CNTN5: variants seen among roughly 807,000 people sequenced by gnomAD.
CNTN5 encodes contactin-5.
A neutral mutation model predicts 129.1 loss-of-function variants in CNTN5; 77 were observed. The ratio of observed to expected loss-of-function variants is 0.60; its 90% CI spans 0.50 to 0.72. The LOEUF (loss-of-function observed/expected upper bound fraction) is 0.72, where lower values mean the gene tolerates loss of function less well. Ranked by LOEUF, CNTN5 falls within the 30% of genes least tolerant of loss-of-function variation. The pLI is 0.00. For synonymous variants in CNTN5, 509 were observed against 465.6 expected, an observed-to-expected ratio of 1.09 and a Z score of -1.20; for missense variants, 1,478 against 1,328.8, an observed-to-expected ratio of 1.11 and a Z score of -1.75.
intron 13 of CNTN5, among the ~76,000 whole-genome samples, chr11:100,118,109 A>G (rs750135322): frequency 6.6e-6 from 1 of 151,858 alleles, no homozygotes; most frequent in Admixed American, 6.6e-5. Context: ...GATAATATCT[A>G]ACGTCAAATC....
chr11:99,347,799 T>A (rs963021004), intron 2 of CNTN5, among the ~76,000 whole-genome samples: 10 of 152,202 alleles, frequency 6.6e-5, no homozygotes, highest in African/African-American at 2.4e-4. Flanking sequence ...TGCTAAATGA[T>A]TCACTGTCAT....
chr11:99,861,592 G>A (rs1437941059), intron 6 of CNTN5, among the ~76,000 whole-genome samples: 1 of 151,970 alleles, frequency 6.6e-6, no homozygotes, highest in Admixed American at 6.6e-5. Flanking sequence ...ACTCAAAATA[G>A]TCCTAATTAC....
At chr11:100,212,899 T>C (rs1949062097) in intron 15 of CNTN5, among the ~76,000 whole-genome samples, 1 of 152,088 alleles carries the variant, frequency 6.6e-6, no homozygotes, top group Non-Finnish European at 1.5e-5. Context: ...ATTGCAAACT[T>C]TCTTAATCTT....
rs1287182233 is a variant in CNTN5, at chr11:100,209,033, C to T, written c.1884+15370C>T. The stretch of plus-strand genomic sequence containing the variant: ...TTTCAAGACAGGAATCTCCAGTGCA[C>T]GCACGCAATGCAATTGTCTGTTTGC... On this transcript the variant is annotated intron_variant, in intron 15 of 24. Coordinates refer to ENST00000524871, the MANE Select transcript of CNTN5 (RefSeq NM_014361.4). Among the ~76,000 whole-genome samples, 12 of 152,140 alleles carry T rather than the reference C, an allele frequency of 7.9e-5. No individual in the cohort carries two copies. In the South Asian group the frequency reaches 1.2e-3, roughly 16 times the overall value.
chr11:99,807,194 T>C (rs192234014), intron 3 of CNTN5, among the ~76,000 whole-genome samples: 1 of 152,130 alleles, frequency 6.6e-6, no homozygotes, highest in Non-Finnish European at 1.5e-5. Flanking sequence ...AATAAAATGG[T>C]ATGCAAAATA....
intron 1 of CNTN5, among the ~76,000 whole-genome samples, chr11:99,039,376 G>A (rs1863891387): frequency 6.6e-6 from 1 of 152,102 alleles, no homozygotes; most frequent in Admixed American, 6.6e-5. Flanking sequence ...CTCCACAAGA[G>A]TACTGTGTCA....
At chr11:99,895,243 T>C (rs1949175386) in intron 6 of CNTN5, among the ~76,000 whole-genome samples, 1 of 152,208 alleles carries the variant, frequency 6.6e-6, no homozygotes, top group Non-Finnish European at 1.5e-5. Flanking sequence ...AAATGTCTGC[T>C]AGACCTGGGA....
At chr11:100,268,274 G>A (rs760769829) in intron 17 of CNTN5, among the ~76,000 whole-genome samples, 19 of 152,266 alleles carry the variant, frequency 1.2e-4, no homozygotes, top group Non-Finnish European at 1.9e-4. Context: ...GAGAGGTTTA[G>A]CGTAAAGTTA....
chr11:99,528,105 A>G (rs1478333833), intron 2 of CNTN5, among the ~76,000 whole-genome samples: 2 of 152,210 alleles, frequency 1.3e-5, no homozygotes. Context: ...GTCATAAAAC[A>G]CTAAATTCAG....
chr11:99,796,686 C>G (rs1565543188), intron 3 of CNTN5, among the ~76,000 whole-genome samples: 1 of 151,990 alleles, frequency 6.6e-6, no homozygotes, highest in Non-Finnish European at 1.5e-5. Flanking sequence ...GGGGCAGGAT[C>G]AATCTGCTCT....
intron 15 of CNTN5, among the ~76,000 whole-genome samples, chr11:100,213,715 G>A (rs1949081762): frequency 6.6e-6 from 1 of 152,004 alleles, no homozygotes; most frequent in South Asian, 2.1e-4. Flanking sequence ...AATGTTCATT[G>A]GAAGATTGTT....
intron 4 of CNTN5, among the ~76,000 whole-genome samples, chr11:99,838,884 G>C (rs902777703): frequency 1.3e-5 from 2 of 152,084 alleles, no homozygotes; most frequent in African/African-American, 4.8e-5. Context: ...TTTGCTTTTA[G>C]CTAGAAATAA....
intron 1 of CNTN5, among the ~76,000 whole-genome samples, chr11:99,165,445 A>T (rs981726656): frequency 1.6e-4 from 24 of 152,140 alleles, no homozygotes; most frequent in African/African-American, 5.8e-4. Context: ...CTTGGTTACT[A>T]ATTAATTGGT....
At chr11:99,919,234 C>G (rs1318074418) in intron 7 of CNTN5, among the ~76,000 whole-genome samples, 1 of 130,502 alleles carries the variant, frequency 7.7e-6, no homozygotes, top group Non-Finnish European at 1.6e-5. Context: ...TGTTGCAGTT[C>G]TAAGACTAAT....
rs954033357 is a variant in CNTN5 at position 99,857,059 on chromosome 11, T to TCTCC, written c.577+11809_577+11812dup. 6.4e-3 allele frequency among the ~76,000 whole-genome samples: 926 copies of TCTCC among 143,994 alleles called. 11 individuals are homozygous for TCTCC. Among genetic ancestry groups the TCTCC allele is most frequent in the African/African-American group, 0.022 (873 of 39,598 alleles). The allele number at this position is 143,994 out of a possible 152,430, so 94.5% of individuals were successfully genotyped here. On this transcript the variant is annotated intron_variant, in intron 6 of 24. Coordinates refer to ENST00000524871, the MANE Select transcript of CNTN5 (RefSeq NM_014361.4). ...CCCTCTCTCTCTCCCTCCCTCCCTCTCTCCCTCCCTCCCTCTCTTCCTCTC... is the reference window on the plus strand; with the variant it reads ...CCCTCTCTCTCTCCCTCCCTCCCTCTCTCCCTCCCTCCCTCCCTCTCTTCCTCTC...
intron 3 of CNTN5, among the ~76,000 whole-genome samples, chr11:99,812,151 G>C (rs980366062): frequency 6.6e-6 from 1 of 152,070 alleles, no homozygotes; most frequent in Non-Finnish European, 1.5e-5. Context: ...GGTACATGTT[G>C]CTCTAGCCAA....
intron 6 of CNTN5, among the ~76,000 whole-genome samples, chr11:99,880,576 A>G (rs562393203): frequency 3.9e-5 from 6 of 152,304 alleles, no homozygotes; most frequent in East Asian, 1.9e-4. Flanking sequence ...CAAGAGACTA[A>G]TGTTTGATGT....
intron 1 of CNTN5, among the ~76,000 whole-genome samples, chr11:99,108,304 A>C (rs958459910): frequency 6.6e-6 from 1 of 152,208 alleles, no homozygotes; most frequent in Non-Finnish European, 1.5e-5. Context: ...GATCCTAGAA[A>C]GCTGCCCCTA....
chr11:100,240,128 A>T (rs1245951333), intron 16 of CNTN5, among the ~76,000 whole-genome samples: 2 of 152,176 alleles, frequency 1.3e-5, no homozygotes, highest in Non-Finnish European at 2.9e-5. Context: ...AAGCAGCATC[A>T]ATCATACCTC....
Sources: gnomAD v4.1 joint callset for allele counts (sites outside exome capture counted in the v4.1 genomes callset) on GRCh38, gnomAD v4.1.1 for gene constraint, MANE v1.5 for transcripts, NCBI Gene and HGNC (gene_info 2026-07-23, HGNC 2026-07-21) for gene names.